NKD1: variants seen among roughly 807,000 people sequenced by gnomAD.
NKD1 encodes the protein protein naked cuticle homolog 1.
Under a neutral mutation model 56.0 loss-of-function variants are expected in NKD1, and 21 were observed. The ratio of observed to expected loss-of-function variants is 0.38; its 90% CI spans 0.27 to 0.54. The LOEUF is 0.54. Among genes scored for constraint, NKD1 ranks in the 20% least tolerant of loss-of-function variants. The pLI, the probability that NKD1 is intolerant of heterozygous loss-of-function variation, is 0.82. For missense variants in NKD1, 578 were observed against 642.7 expected (o/e 0.90, Z 1.09); for synonymous variants, 263 against 265.7 (o/e 0.99, Z 0.10).
intron 3 of NKD1, among the ~76,000 whole-genome samples, chr16:50,580,947 A>G (rs1332635209): frequency 6.6e-6 from 1 of 152,182 alleles, no homozygotes; most frequent in Non-Finnish European, 1.5e-5. Flanking sequence ...TATTTCTCTC[A>G]TAGGAAACAA....
chr16:50,576,945 T>C (rs1961006619), intron 3 of NKD1, among the ~76,000 whole-genome samples: 2 of 152,170 alleles, frequency 1.3e-5, no homozygotes, highest in African/African-American at 4.8e-5. Context: ...TGCTGGGCCC[T>C]GTGAGACTGC....
intron 3 of NKD1, among the ~76,000 whole-genome samples, chr16:50,553,163 A>C (rs1362583743): frequency 6.6e-6 from 1 of 152,348 alleles, no homozygotes; most frequent in East Asian, 1.9e-4. Flanking sequence ...TGGGTGTGGA[A>C]AATAGAATGG....
At chr16:50,602,840 C>T (rs1024064862) in intron 3 of NKD1, among the ~76,000 whole-genome samples, 1 of 152,242 alleles carries the variant, frequency 6.6e-6, no homozygotes, top group African/African-American at 2.4e-5. Context: ...TCGTGTGGCA[C>T]TCCTCTGCAG....
rs557596341 is a variant in NKD1 at position 50,589,138 on chromosome 16, C to T, written c.193-19156C>T. 4.6e-5 allele frequency among the ~76,000 whole-genome samples: 7 copies of T among 152,306 alleles called. No homozygotes were observed. In the East Asian group the frequency reaches 1.2e-3, roughly 25 times the overall value. On this transcript the variant is annotated intron_variant, in intron 3 of 9. Coordinates refer to ENST00000268459, the MANE Select transcript of NKD1 (RefSeq NM_033119.5). ...CCGACCCCAGCACTCAGATCTTCCT[C>T]GTTGCGCGGTGACTCTTGGTGAGCC... is the stretch of plus-strand genomic sequence containing the variant.
intron 3 of NKD1, among the ~76,000 whole-genome samples, chr16:50,551,377 A>T (rs1960381523): frequency 6.6e-6 from 1 of 152,218 alleles, no homozygotes; most frequent in Non-Finnish European, 1.5e-5. Context: ...TCTCAGAGAA[A>T]TGCTGAGAGG....
chr16:50,581,440 T>C (rs147140433), intron 3 of NKD1, among the ~76,000 whole-genome samples: 4 of 152,348 alleles, frequency 2.6e-5, no homozygotes, highest in Non-Finnish European at 4.4e-5. Context: ...CTGCAGGGTT[T>C]TGAGTGCTCT....
At chr16:50,559,715 A>T (rs944013351) in intron 3 of NKD1, among the ~76,000 whole-genome samples, 2 of 152,078 alleles carry the variant, frequency 1.3e-5, no homozygotes, top group Non-Finnish European at 2.9e-5. Flanking sequence ...AGGTTGGAAG[A>T]GGTAGGGAGG....
chr16:50,626,169 T>C (rs1455365765), intron 6 of NKD1, among the ~76,000 whole-genome samples: 6 of 152,218 alleles, frequency 3.9e-5, no homozygotes, highest in African/African-American at 7.2e-5. Context: ...TCTCTCTCGC[T>C]CAGGGCCCTC....
chr16:50,564,896 C>T (rs537940684), intron 3 of NKD1, among the ~76,000 whole-genome samples: 8 of 152,310 alleles, frequency 5.3e-5, no homozygotes, highest in Middle Eastern at 6.8e-3. Context: ...CGCCCACCTC[C>T]ACCTCCCAGC....
chr16:50,571,431 G>A (rs1297803518), intron 3 of NKD1: 12 of 968,884 alleles, frequency 1.2e-5, no homozygotes, highest in Non-Finnish European at 1.3e-5. Flanking sequence ...GGAGTTTCAA[G>A]TGCTCCGAAG....
intron 4 of NKD1, among the ~76,000 whole-genome samples, chr16:50,619,829 C>G (rs142059812): frequency 3.9e-5 from 6 of 152,160 alleles, no homozygotes; most frequent in African/African-American, 1.4e-4. Context: ...ACAGAACCCA[C>G]GTGGAGATGA....
chr16:50,578,434 G>A lies in NKD1; in HGVS notation c.192+28879G>A, dbSNP rs574730981. Among the ~76,000 whole-genome samples, 7 of 152,150 alleles carry A rather than the reference G, an allele frequency of 4.6e-5. 1 individual carries two copies. Among genetic ancestry groups the A allele is most frequent in the African/African-American group, 1.7e-4 (7 of 41,430 alleles). On this transcript the variant is annotated intron_variant, in intron 3 of 9. Coordinates refer to ENST00000268459, the MANE Select transcript of NKD1 (RefSeq NM_033119.5). ...CTCTGCCATAGTACCAGCTTGAGTC[G>A]TTGTTCCCTTTGCAGGTGCCCTTGG...
rs1210883869 is a variant in NKD1, at chr16:50,633,556, C to T, written c.1188C>T (p.Pro396=). The T allele has an allele frequency of 2.5e-6, 4 of 1,611,522 alleles. No individual in the cohort carries two copies. The South Asian group carries it at 4.4e-5, about 18-fold the overall frequency. ...ASPALLPSLA[P]LGHKKHKHRA... ...CGGCCCTCCTCCCCTCCCTAGCCCC[C>T]CTCGGGCACAAGAAGCACAAGCACC... Residue 396 remains proline, a synonymous_variant, in exon 10 of 10, where the codon CCC becomes CCT. Transcript: ENST00000268459. The surrounding 1 kb of genome is among the most constrained non-coding windows in gnomAD (Gnocchi z 4.9).
At position 50,630,281 on chromosome 16, in the gene NKD1, C is replaced by T. The variant is rs780730328; in HGVS notation, c.558C>T (p.Thr186=). Residue 186 remains threonine (T), a synonymous_variant, in exon 7 of 10, where the codon ACC becomes ACT. Transcript: ENST00000268459. The stretch of plus-strand genomic sequence containing the variant: ...GCAAGATGCTGCGGGTAAAGCTCAC[C>T]GTGGCCCCCGATGGCAGCCAGAGCA... ...TSSKMLRVKL[T]VAPDGSQSKR... is the part of the protein sequence containing the mutation. The T allele has an allele frequency of 7.4e-6, 12 of 1,614,006 alleles. No individual in the cohort carries two copies. The highest frequency in any genetic ancestry group is 1.6e-4 in the Middle Eastern group (1 of 6,084).
intron 3 of NKD1, among the ~76,000 whole-genome samples, chr16:50,592,768 T>G (rs1462823775): frequency 1.2e-4 from 10 of 80,478 alleles, no homozygotes; most frequent in Admixed American, 1.5e-4. Context: ...GCACAGAGGG[T>G]GGTGATGGGG....
chr16:50,573,171 A>G (rs988642833), intron 3 of NKD1, among the ~76,000 whole-genome samples: 3 of 152,172 alleles, frequency 2.0e-5, no homozygotes, highest in African/African-American at 7.2e-5. Flanking sequence ...TCCTTTCTGG[A>G]AGTCTTTTCC....
intron 3 of NKD1, among the ~76,000 whole-genome samples, chr16:50,560,873 G>A (rs1241353834): frequency 2.0e-5 from 1 of 51,138 alleles, no homozygotes; most frequent in Non-Finnish European, 4.4e-5. Flanking sequence ...TACAGCAGAG[G>A]CATATTGTAA....
At chr16:50,610,275 T>A (rs78709965) in intron 4 of NKD1, among the ~76,000 whole-genome samples, 1,529 of 152,354 alleles carry the variant, frequency 0.01, 19 homozygotes, top group African/African-American at 0.034. Flanking sequence ...AAACCGTAAA[T>A]AAGGCAGTAG....
Position 50,608,474 on chromosome 16 carries a change from G to A in NKD1, c.259+114G>A, listed in dbSNP as rs973651968. On this transcript the variant is annotated intron_variant, in intron 4 of 9. Coordinates refer to ENST00000268459, the MANE Select transcript of NKD1 (RefSeq NM_033119.5). The stretch of plus-strand genomic sequence containing the variant: ...ATCTGCAGATGGAGGGCACAACAGG[G>A]ACCTTGTGACTCTGGGTGGGGGTGG... The A allele has an allele frequency of 1.3e-5, 9 of 687,440 alleles. No individual in the cohort carries two copies. The African/African-American group carries it at 1.4e-4, about 11-fold the overall frequency. 42.6% of individuals were successfully genotyped at this position (687,440 alleles called of 1,614,324 possible). A position where few individuals can be genotyped will look rare whatever the true frequency, so the allele number is the denominator to read the frequency against.
Sources: gnomAD v4.1 joint callset for allele counts (sites outside exome capture counted in the v4.1 genomes callset) on GRCh38, gnomAD v4.1.1 for gene constraint, Gnocchi (gnomAD v3.1) non-coding constraint, MANE v1.5 for transcripts, NCBI Gene and HGNC (gene_info 2026-07-23, HGNC 2026-07-21) for gene names.